Variants in KMT2C observed in about 807,000 individuals in gnomAD.
The protein encoded by KMT2C is lysine methyltransferase 2C.
A neutral mutation model predicts 507.9 loss-of-function variants in KMT2C; 88 were observed. That is an observed-to-expected ratio of 0.17 (90% CI 0.15 to 0.21). KMT2C has a LOEUF of 0.21. KMT2C is among the 10% of genes least tolerant of loss of function. The pLI is 1.00. For missense variants in KMT2C, 4,954 were observed against 5,957.8 expected, an observed-to-expected ratio of 0.83 and a Z score of 5.55; for synonymous variants, 2,049 against 2,080.8, an observed-to-expected ratio of 0.98 and a Z score of 0.42.
intron 6 of KMT2C, among the ~76,000 whole-genome samples, chr7:152,296,997 A>AAAGAAAGAAAGAAAG (rs2096505748): frequency 1.2e-3 from 73 of 59,002 alleles, no homozygotes; most frequent in African/African-American, 3.9e-3. Context: ...GAAAGAAAGA[A>AAAGAAAGAAAGAAAG]AAAGAAAGAA....
intron 23 of KMT2C, among the ~76,000 whole-genome samples, chr7:152,217,298 G>C (rs1246313940): frequency 6.6e-6 from 1 of 152,002 alleles, no homozygotes; most frequent in Non-Finnish European, 1.5e-5. Context: ...TTATTTTAGG[G>C]GTGTGTGTGT....
chr7:152,399,119 G>A (rs921778485), intron 1 of KMT2C, among the ~76,000 whole-genome samples: 3 of 152,092 alleles, frequency 2.0e-5, no homozygotes, highest in Non-Finnish European at 4.4e-5. Flanking sequence ...GCTCACCACC[G>A]CACCCAGCCA....
At position 152,148,471 on chromosome 7, in the gene KMT2C, T is replaced by C. The variant is rs1340639296; in HGVS notation, c.13456A>G (p.Thr4486Ala). 1 of 1,614,134 alleles carries C rather than the reference T, an allele frequency of 6.2e-7. No homozygotes were observed. Among genetic ancestry groups the C allele is most frequent in the Non-Finnish European group, 8.5e-7 (1 of 1,180,052 alleles). Residue 4486 changes from threonine to alanine, a missense_variant, in exon 52 of 59, where the codon ACT (threonine) becomes GCT (alanine). This residue lies in a region of KMT2C where 221 missense variants were observed against 304.7 expected (regional missense o/e 0.73). Transcript: ENST00000262189. The surrounding 1 kb of genome is among the most constrained non-coding windows in gnomAD (Gnocchi z 7.1). ...ATGCATTGTGCTTTAATGGCGCAAG[T>C]GAAGTGATAAATGTTGGTGCATCGA... ...RFRCTNIYHF[T>A]CAIKAQCMFF...
intron 48 of KMT2C, among the ~76,000 whole-genome samples, chr7:152,153,364 C>A (rs543138364): frequency 6.6e-6 from 1 of 152,228 alleles, no homozygotes; most frequent in East Asian, 1.9e-4. Context: ...CAAAATATCA[C>A]ATCATTGGAC....
At chr7:152,164,065 A>G (rs2092601850) in intron 42 of KMT2C, among the ~76,000 whole-genome samples, 1 of 152,216 alleles carries the variant, frequency 6.6e-6, no homozygotes, top group Non-Finnish European at 1.5e-5. Context: ...AGTGCTTCAC[A>G]TATGAAATAT....
intron 16 of KMT2C, among the ~76,000 whole-genome samples, chr7:152,230,737 C>T (rs900905239): frequency 6.6e-6 from 1 of 152,200 alleles, no homozygotes; most frequent in Non-Finnish European, 1.5e-5. Context: ...CACATAATTA[C>T]ATATTACGTG....
chr7:152,311,123 A>G (rs1323598160), intron 5 of KMT2C, among the ~76,000 whole-genome samples: 1 of 152,146 alleles, frequency 6.6e-6, no homozygotes, highest in African/African-American at 2.4e-5. Context: ...TATGTATTTG[A>G]TATGTTTCTG....
intron 31 of KMT2C, among the ~76,000 whole-genome samples, chr7:152,190,229 A>G (rs2093750453): frequency 6.6e-6 from 1 of 152,184 alleles, no homozygotes; most frequent in Admixed American, 6.5e-5. Context: ...ATTTTAATAA[A>G]CAATATCAAA....
intron 2 of KMT2C, among the ~76,000 whole-genome samples, chr7:152,337,269 TCAA>T (rs1339146639): frequency 6.6e-6 from 1 of 152,106 alleles, no homozygotes; most frequent in Non-Finnish European, 1.5e-5. Context: ...AGTCCCTGTC[TCAA>T]CAACAACAAT....
chr7:152,348,221 C>G (rs995587253), intron 2 of KMT2C, among the ~76,000 whole-genome samples: 3 of 152,132 alleles, frequency 2.0e-5, no homozygotes, highest in Admixed American at 1.3e-4. Context: ...ATTGAACACA[C>G]CCAGTTTGGT....
intron 27 of KMT2C, among the ~76,000 whole-genome samples, chr7:152,198,342 G>C (rs2094027359): frequency 6.6e-6 from 1 of 152,168 alleles, no homozygotes; most frequent in Non-Finnish European, 1.5e-5. Flanking sequence ...TTCAATTCAG[G>C]ATAATGCCAA....
chr7:152,344,725 C>CCATTACA (rs1424869376), intron 2 of KMT2C, among the ~76,000 whole-genome samples: 1 of 151,786 alleles, frequency 6.6e-6, no homozygotes, highest in Non-Finnish European at 1.5e-5. Flanking sequence ...TGGTGGCTCA[C>CCATTACA]GCCTGTAATC....
chr7:152,165,617 G>A (rs548756028), intron 42 of KMT2C, among the ~76,000 whole-genome samples: 64 of 152,306 alleles, frequency 4.2e-4, no homozygotes, highest in African/African-American at 1.4e-3. Flanking sequence ...GATAAGACAC[G>A]TGAGTCCAAA....
At chr7:152,214,206 C>T (rs2094519301) in intron 23 of KMT2C, among the ~76,000 whole-genome samples, 1 of 151,812 alleles carries the variant, frequency 6.6e-6, no homozygotes, top group Non-Finnish European at 1.5e-5. Context: ...CCAACAATGC[C>T]TCTGTTGGGC....
chr7:152,288,564 T>TA (rs369301866), intron 6 of KMT2C, among the ~76,000 whole-genome samples: 3,276 of 151,358 alleles, frequency 0.022, 98 homozygotes, highest in African/African-American at 0.066. Flanking sequence ...ATTTTTTTTT[T>TA]AAAAAAGACA....
chr7:152,304,138 C>T (rs183835090), intron 6 of KMT2C, among the ~76,000 whole-genome samples: 8 of 152,258 alleles, frequency 5.3e-5, no homozygotes, highest in Non-Finnish European at 1.2e-4. Flanking sequence ...TATAGTATCT[C>T]ATTCCCTTCC....
At chr7:152,256,077 T>C (rs1303631369) in intron 9 of KMT2C, among the ~76,000 whole-genome samples, 1 of 151,838 alleles carries the variant, frequency 6.6e-6, no homozygotes. Flanking sequence ...AGCTAAGACA[T>C]GAGAATCACT....
chr7:152,409,040 G>A (rs987855127), intron 1 of KMT2C, among the ~76,000 whole-genome samples: 3 of 151,486 alleles, frequency 2.0e-5, no homozygotes, highest in African/African-American at 4.9e-5. Flanking sequence ...CAGGCTTAGT[G>A]TTACCCAGGC....
At chr7:152,422,501 A>G (rs550592958) in intron 1 of KMT2C, among the ~76,000 whole-genome samples, 1 of 152,158 alleles carries the variant, frequency 6.6e-6, no homozygotes, top group Non-Finnish European at 1.5e-5. Context: ...TCAACAAAGC[A>G]TTGTTGAAAG....
Sources: gnomAD v4.1 joint callset for allele counts (sites outside exome capture counted in the v4.1 genomes callset) on GRCh38, gnomAD v4.1.1 for gene constraint, gnomAD v4.1.1 regional missense constraint, Gnocchi (gnomAD v3.1) non-coding constraint, MANE v1.5 for transcripts, NCBI Gene and HGNC (gene_info 2026-07-23, HGNC 2026-07-21) for gene names.